Variants in CCDC178 observed in about 807,000 individuals in gnomAD.
CCDC178 encodes coiled-coil domain-containing protein 178.
Under a neutral mutation model 117.4 loss-of-function variants are expected in CCDC178, and 126 were observed. That is an observed-to-expected ratio of 1.07 (90% CI 0.93 to 1.24). CCDC178 has a LOEUF of 1.24. Ranked by LOEUF, CCDC178 falls within the 50% of genes most tolerant of loss-of-function variation. CCDC178 has a pLI of 0.00. For missense variants in CCDC178, 1,030 were observed against 986.9 expected, an observed-to-expected ratio of 1.04 and a Z score of -0.59; for synonymous variants, 283 against 313.4, an observed-to-expected ratio of 0.90 and a Z score of 1.02.
intron 12 of CCDC178, among the ~76,000 whole-genome samples, chr18:33,290,389 ACTGT>A: frequency 6.6e-6 from 1 of 152,284 alleles, no homozygotes; most frequent in South Asian, 2.1e-4. Context: ...TTATCTCATC[ACTGT>A]CTGATTTTGC....
At chr18:33,249,181 G>A (rs1331461876) in intron 14 of CCDC178, among the ~76,000 whole-genome samples, 1 of 152,086 alleles carries the variant, frequency 6.6e-6, no homozygotes, top group Non-Finnish European at 1.5e-5. Context: ...TTTGTCAGAT[G>A]AGTAGATTGC....
intron 3 of CCDC178, among the ~76,000 whole-genome samples, chr18:33,408,522 T>A (rs1461817675): frequency 6.6e-6 from 1 of 151,932 alleles, no homozygotes; most frequent in Non-Finnish European, 1.5e-5. Flanking sequence ...TTAATATTTA[T>A]ATGTAATATA....
chr18:32,984,365 T>G (rs1201320272), intron 21 of CCDC178, among the ~76,000 whole-genome samples: 3 of 151,940 alleles, frequency 2.0e-5, no homozygotes, highest in African/African-American at 7.2e-5. Context: ...AATATGCAAA[T>G]GTATTTCTTT....
At chr18:33,329,874 AGAGTGTGTGTGT>A (rs1479206018) in intron 10 of CCDC178, among the ~76,000 whole-genome samples, 30 of 75,364 alleles carry the variant, frequency 4.0e-4, no homozygotes, top group African/African-American at 1.5e-3. Flanking sequence ...GAGAATTATT[AGAGTGTGTGTGT>A]GTGTGTGTGT....
At chr18:32,965,294 T>C (rs183319282) in intron 22 of CCDC178, among the ~76,000 whole-genome samples, 86 of 152,050 alleles carry the variant, frequency 5.7e-4, no homozygotes, top group Admixed American at 1.6e-3. Context: ...AGGTAAAATA[T>C]AAACACACAA....
intron 5 of CCDC178, among the ~76,000 whole-genome samples, chr18:33,383,457 C>T (rs1427170526): frequency 6.6e-6 from 1 of 151,954 alleles, no homozygotes; most frequent in Non-Finnish European, 1.5e-5. Flanking sequence ...ACACCTCATA[C>T]AGGAGAGTTC....
intron 21 of CCDC178, among the ~76,000 whole-genome samples, chr18:32,976,469 A>G (rs180680368): frequency 1.3e-5 from 2 of 152,248 alleles, no homozygotes; most frequent in African/African-American, 4.8e-5. Context: ...TGCATCAATG[A>G]TTTAAATAAT....
chr18:33,370,715 T>C (rs1243656193), intron 5 of CCDC178, among the ~76,000 whole-genome samples: 1 of 152,010 alleles, frequency 6.6e-6, no homozygotes, highest in Non-Finnish European at 1.5e-5. Context: ...CATAATAACC[T>C]CATTTTCTAC....
At chr18:33,239,206 CA>C (rs1419037324) in intron 15 of CCDC178, among the ~76,000 whole-genome samples, 1 of 151,882 alleles carries the variant, frequency 6.6e-6, no homozygotes, top group Non-Finnish European at 1.5e-5. Context: ...CCAATATACA[CA>C]GTAGAAAGAG....
intron 20 of CCDC178, among the ~76,000 whole-genome samples, chr18:33,107,205 C>G (rs2057718832): frequency 6.6e-6 from 1 of 151,330 alleles, no homozygotes; most frequent in African/African-American, 2.4e-5. Context: ...ATGTGGCAAC[C>G]CAGGTAACTG....
intron 2 of CCDC178, among the ~76,000 whole-genome samples, chr18:33,419,228 G>A (rs1424317203): frequency 6.6e-6 from 1 of 152,042 alleles, no homozygotes; most frequent in East Asian, 1.9e-4. Flanking sequence ...GGGATAACTG[G>A]CTAGCTATAT....
At chr18:33,248,985 T>A (rs528892914) in intron 14 of CCDC178, among the ~76,000 whole-genome samples, 3 of 152,266 alleles carry the variant, frequency 2.0e-5, no homozygotes, top group African/African-American at 4.8e-5. Context: ...GGTATCACAT[T>A]GTGGTTTTGA....
At chr18:33,337,442 T>A (rs748145142) in intron 9 of CCDC178, among the ~76,000 whole-genome samples, 1 of 152,118 alleles carries the variant, frequency 6.6e-6, no homozygotes, top group East Asian at 1.9e-4. Flanking sequence ...TCCAGTACTA[T>A]GTTGAATAAA....
At chr18:32,996,132 A>T (rs1870150592) in intron 21 of CCDC178, among the ~76,000 whole-genome samples, 1 of 151,948 alleles carries the variant, frequency 6.6e-6, no homozygotes, top group African/African-American at 2.4e-5. Flanking sequence ...ATAGAAAAAA[A>T]ATTCCCAGTC....
chr18:33,314,001 C>A (rs1200649183), intron 11 of CCDC178, among the ~76,000 whole-genome samples: 1 of 151,048 alleles, frequency 6.6e-6, no homozygotes, highest in Admixed American at 6.6e-5. Context: ...GAGATCGAGA[C>A]CATCCCGGCT....
At position 33,245,565 on chromosome 18, in the gene CCDC178, G is replaced by T. The variant is rs1292040891; in HGVS notation, c.1410-137C>A. 3.2e-6 allele frequency: 3 copies of T among 946,408 alleles called. No homozygotes were observed. The African/African-American group carries it at 5.2e-5, about 16-fold the overall frequency. 58.6% of individuals were successfully genotyped at this position (946,408 alleles called of 1,614,324 possible). A position where few individuals can be genotyped will look rare whatever the true frequency, so the allele number is the denominator to read the frequency against. On this transcript the variant is annotated intron_variant, in intron 14 of 22. Transcript: ENST00000383096. Reference sequence around the variant, plus strand: ...GCTGGATAATTAGCTAAAACTTGAAGACAGAACATGTGTCCTAGGACTCCA... The same window carrying T: ...GCTGGATAATTAGCTAAAACTTGAATACAGAACATGTGTCCTAGGACTCCA...
chr18:33,225,985 A>T (rs1599023527), intron 16 of CCDC178, among the ~76,000 whole-genome samples: 1 of 152,188 alleles, frequency 6.6e-6, no homozygotes, highest in East Asian at 1.9e-4. Flanking sequence ...AAAATGGAGA[A>T]ACCCTGTCTC....
intron 20 of CCDC178, among the ~76,000 whole-genome samples, chr18:33,159,119 T>TAGAGGC (rs2058434881): frequency 6.6e-6 from 1 of 152,084 alleles, no homozygotes; most frequent in Non-Finnish European, 1.5e-5. Context: ...GATTAATTTA[T>TAGAGGC]TATGGGTCAC....
At position 33,101,689 on chromosome 18, in the gene CCDC178, T is replaced by C. The variant is rs75116220; in HGVS notation, c.2239-8779A>G. On this transcript the variant is annotated intron_variant, in intron 20 of 22. Transcript: ENST00000383096. ...GTTAAGGAATTATGAACTAACTTTATCATAAAGTAATAATGTACTGTATAA... is the reference window on the plus strand; with the variant it reads ...GTTAAGGAATTATGAACTAACTTTACCATAAAGTAATAATGTACTGTATAA... Among the ~76,000 whole-genome samples the C allele has an allele frequency of 4.3e-3, 660 of 152,010 alleles. 5 individuals are homozygous for C. The highest frequency in any genetic ancestry group is 0.015 in the African/African-American group (631 of 41,502).
Sources: allele counts gnomAD v4.1 joint callset (sites outside exome capture counted in the v4.1 genomes callset), GRCh38; gene constraint gnomAD v4.1.1; transcripts MANE v1.5; gene names NCBI Gene and HGNC (gene_info 2026-07-23, HGNC 2026-07-21).